The following NAV2 variants were observed in gnomAD, a reference collection of about 807,000 sequenced individuals.
NAV2 encodes helicase, APC down-regulated 1.
Under a neutral mutation model 223.2 loss-of-function variants are expected in NAV2, and 54 were observed. That is an observed-to-expected ratio of 0.24 (90% CI 0.19 to 0.30). The LOEUF is 0.30. NAV2 is among the 10% of genes least tolerant of loss of function. The pLI, the probability that NAV2 is intolerant of heterozygous loss-of-function variation, is 1.00. For missense variants in NAV2, 2,806 were observed against 3,147.5 expected (o/e 0.89, Z 2.60); for synonymous variants, 1,279 against 1,239.3 (o/e 1.03, Z -0.67).
intron 1 of NAV2, among the ~76,000 whole-genome samples, chr11:19,815,664 T>A (rs1426939077): frequency 1.8e-4 from 27 of 152,210 alleles, no homozygotes; most frequent in Non-Finnish European, 1.5e-5. Flanking sequence ...AACTGCCTTG[T>A]GGCATAAAGA....
intron 3 of NAV2, among the ~76,000 whole-genome samples, chr11:19,851,276 A>T (rs1173933243): frequency 6.6e-6 from 1 of 152,140 alleles, no homozygotes; most frequent in African/African-American, 2.4e-5. Context: ...CTGTTTTGCT[A>T]TTCTACATGT....
Position 19,933,286 on chromosome 11 carries a change from A to C in NAV2, c.1042A>C (p.Ile348Leu). The C allele has an allele frequency of 6.2e-7, 1 of 1,613,518 alleles. No individual in the cohort carries two copies. The change falls in exon 7 of 38, where the codon ATC becomes CTC. Residue 348 changes from isoleucine to leucine, a missense_variant. By Grantham distance (5) the Ile-to-Leu change is conservative. Around this residue, in one of 4 missense-constraint regions of NAV2, gnomAD observed 1,167 missense variants for 1,180.5 expected, o/e 0.99. Coordinates refer to ENST00000349880, the MANE Select transcript of NAV2 (RefSeq NM_145117.5). This position sits in a 1 kb window ranked among gnomAD's most constrained non-coding sequence, Gnocchi z 4.3. ...TPTNCSTSSA[I>L]PQPGAATKPW... The stretch of plus-strand genomic sequence containing the variant: ...TACTAATTGCAGTACCTCCTCGGCC[A>C]TCCCGCAGCCCGGTGCAGCCACCAA...
intron 4 of NAV2, among the ~76,000 whole-genome samples, chr11:19,874,531 G>A (rs994701477): frequency 1.5e-4 from 23 of 152,202 alleles, no homozygotes; most frequent in Admixed American, 2.0e-4. Context: ...AAACATTCTT[G>A]TGGGGCTTTG....
intron 11 of NAV2, among the ~76,000 whole-genome samples, chr11:20,013,151 A>C (rs1398696465): frequency 2.0e-5 from 3 of 152,192 alleles, no homozygotes; most frequent in African/African-American, 7.2e-5. Flanking sequence ...CAACTTACTT[A>C]ACCTCTCTGA....
At chr11:19,558,114 T>C (rs1445516685) in intron 1 of NAV2, among the ~76,000 whole-genome samples, 1 of 152,244 alleles carries the variant, frequency 6.6e-6, no homozygotes, top group East Asian at 1.9e-4. Context: ...TTAGATAACT[T>C]ACTTAAGTTT....
intron 1 of NAV2, among the ~76,000 whole-genome samples, chr11:19,825,730 A>G (rs2059615687): frequency 6.6e-6 from 1 of 152,212 alleles, no homozygotes; most frequent in Admixed American, 6.5e-5. Flanking sequence ...TGGTACAATT[A>G]TTATCAGTTT....
intron 1 of NAV2, among the ~76,000 whole-genome samples, chr11:19,421,136 C>T (rs1004897180): frequency 3.3e-5 from 5 of 152,194 alleles, no homozygotes; most frequent in Admixed American, 2.0e-4. Context: ...CCTGCCTTTC[C>T]CTTCTCTCCA....
intron 1 of NAV2, among the ~76,000 whole-genome samples, chr11:19,823,342 G>C (rs1356680177): frequency 6.6e-6 from 1 of 152,136 alleles, no homozygotes; most frequent in East Asian, 1.9e-4. Context: ...CAAGTAGCTG[G>C]GATTATGGGT....
intron 1 of NAV2, among the ~76,000 whole-genome samples, chr11:19,495,466 G>T (rs536604293): frequency 6.6e-6 from 1 of 152,196 alleles, no homozygotes; most frequent in Non-Finnish European, 1.5e-5. Flanking sequence ...CTGCCCAGAG[G>T]TGGTGACACT....
chr11:19,418,139 G>A (rs927205824), intron 1 of NAV2, among the ~76,000 whole-genome samples: 3 of 152,156 alleles, frequency 2.0e-5, no homozygotes, highest in Non-Finnish European at 4.4e-5. Context: ...ACAAAAGGGT[G>A]TCTTCTCTAT....
At chr11:19,991,035 A>G (rs1355736550) in intron 11 of NAV2, among the ~76,000 whole-genome samples, 1 of 152,224 alleles carries the variant, frequency 6.6e-6, no homozygotes, top group Non-Finnish European at 1.5e-5. Context: ...GGCAGTATTC[A>G]TACCTGTCTC....
At chr11:20,049,716 T>C (rs1288849100) in intron 15 of NAV2, 120 bp from the exon 16 acceptor site, 1 of 920,634 alleles carries the variant, frequency 1.1e-6, no homozygotes. Flanking sequence ...GTCCAGTTTC[T>C]GCATATAGGG....
At chr11:19,485,414 T>C (rs761658164) in intron 1 of NAV2, among the ~76,000 whole-genome samples, 67 of 152,060 alleles carry the variant, frequency 4.4e-4, no homozygotes, top group Non-Finnish European at 8.7e-4. Flanking sequence ...ATCTCTACCC[T>C]CTCTTCTAGC....
chr11:20,083,426 A>AT (rs1321845832), intron 26 of NAV2, among the ~76,000 whole-genome samples: 4 of 152,214 alleles, frequency 2.6e-5, no homozygotes, highest in Non-Finnish European at 5.9e-5. Context: ...GGTTACTTAA[A>AT]TTCTCTTTGT....
chr11:19,777,099 C>A (rs895394691), intron 1 of NAV2, among the ~76,000 whole-genome samples: 12 of 150,688 alleles, frequency 8.0e-5, no homozygotes, highest in East Asian at 3.9e-4. Flanking sequence ...GCCGACCCCC[C>A]CCCCCACCCC....
At chr11:19,844,106 C>T (rs1049140512) in intron 3 of NAV2, among the ~76,000 whole-genome samples, 1 of 152,192 alleles carries the variant, frequency 6.6e-6, no homozygotes, top group African/African-American at 2.4e-5. Flanking sequence ...GGAAAGTCCC[C>T]AGGCTGACAT....
chr11:20,059,076 G>A (rs992515094), intron 19 of NAV2, among the ~76,000 whole-genome samples: 1 of 145,508 alleles, frequency 6.9e-6, no homozygotes, highest in Non-Finnish European at 1.5e-5. Context: ...ACTCAGTTGG[G>A]TTTTTTTTTT....
At chr11:19,623,993 ACC>A (rs2047086211) in intron 1 of NAV2, among the ~76,000 whole-genome samples, 1 of 152,024 alleles carries the variant, frequency 6.6e-6, no homozygotes, top group Non-Finnish European at 1.5e-5. Flanking sequence ...AACAGTCAGG[ACC>A]CTCAGCTGCA....
At chr11:19,375,642 G>C (rs903822568) in intron 1 of NAV2, among the ~76,000 whole-genome samples, 1 of 152,090 alleles carries the variant, frequency 6.6e-6, no homozygotes. Flanking sequence ...GCTGTGGCTC[G>C]GATGGACCTA....
Sources: gnomAD v4.1 joint callset for allele counts (sites outside exome capture counted in the v4.1 genomes callset) on GRCh38, gnomAD v4.1.1 for gene constraint, gnomAD v4.1.1 regional missense constraint, Gnocchi (gnomAD v3.1) non-coding constraint, MANE v1.5 for transcripts, NCBI Gene and HGNC (gene_info 2026-07-23, HGNC 2026-07-21) for gene names.